Variants in FGF12 observed in about 807,000 individuals in gnomAD.
FGF12 encodes fibroblast growth factor 12B.
Under a neutral mutation model 23.6 loss-of-function variants are expected in FGF12, and 14 were observed. The observed-to-expected ratio is 0.59, with a 90% CI of 0.39 to 0.93. The LOEUF (loss-of-function observed/expected upper bound fraction) is 0.93, where lower values mean the gene tolerates loss of function less well. Among genes scored for constraint, FGF12 ranks in the 40% least tolerant of loss-of-function variants. The probability of loss-of-function intolerance (pLI) is 0.00; values close to 1 mark genes in which losing one functional copy is unlikely to be tolerated. For synonymous variants in FGF12, 62 were observed against 77.3 expected, an observed-to-expected ratio of 0.80 and a Z score of 1.04; for missense variants, 175 against 217.8, an observed-to-expected ratio of 0.80 and a Z score of 1.24.
chr3:192,519,274 C>T (rs1443920668), intron 2 of FGF12, among the ~76,000 whole-genome samples: 1 of 152,194 alleles, frequency 6.6e-6, no homozygotes, highest in African/African-American at 2.4e-5. Flanking sequence ...GATGGTCCCT[C>T]AGTCTCCCTG....
chr3:192,687,092 G>A (rs1346030094), intron 2 of FGF12, among the ~76,000 whole-genome samples: 1 of 150,444 alleles, frequency 6.6e-6, no homozygotes, highest in African/African-American at 2.5e-5. Context: ...GCCTCCCAAA[G>A]TGCTGGGATT....
chr3:192,582,618 G>C (rs991548312), intron 2 of FGF12, among the ~76,000 whole-genome samples: 2 of 151,822 alleles, frequency 1.3e-5, no homozygotes, highest in Non-Finnish European at 2.9e-5. Flanking sequence ...TTGAAACTAA[G>C]TAGAATTTCA....
intron 3 of FGF12, among the ~76,000 whole-genome samples, chr3:192,338,954 A>G (rs1370322775): frequency 6.6e-6 from 1 of 152,204 alleles, no homozygotes; most frequent in African/African-American, 2.4e-5. Context: ...ACACTGGTTT[A>G]TGTAGCTGAC....
chr3:192,459,608 T>G (rs1722792200), intron 2 of FGF12, among the ~76,000 whole-genome samples: 1 of 152,222 alleles, frequency 6.6e-6, no homozygotes, highest in Non-Finnish European at 1.5e-5. Flanking sequence ...TCATTCTGCA[T>G]GAGCCTTGTC....
At chr3:192,463,568 C>G (rs979110927) in intron 2 of FGF12, among the ~76,000 whole-genome samples, 2 of 152,176 alleles carry the variant, frequency 1.3e-5, no homozygotes, top group Non-Finnish European at 2.9e-5. Context: ...AAGTTAACAT[C>G]ACATATCCTA....
chr3:192,558,040 A>G (rs994013787), intron 2 of FGF12, among the ~76,000 whole-genome samples: 3 of 151,888 alleles, frequency 2.0e-5, no homozygotes, highest in Non-Finnish European at 4.4e-5. Context: ...CACCACTTCT[A>G]TTTAACTGAA....
At chr3:192,499,516 ATT>A (rs71177364) in intron 2 of FGF12, among the ~76,000 whole-genome samples, 7 of 38,842 alleles carry the variant, frequency 1.8e-4, no homozygotes, top group African/African-American at 5.4e-4. Flanking sequence ...ATATATATAT[ATT>A]TTTTTTTTTT....
intron 4 of FGF12, chr3:192,268,553 G>C (rs1042182137): frequency 3.7e-5 from 8 of 216,004 alleles, no homozygotes; most frequent in African/African-American, 1.9e-4. Context: ...TCCCCTTGAT[G>C]ATAAGTGAAC....
chr3:192,584,868 C>G (rs1474208623), intron 2 of FGF12, among the ~76,000 whole-genome samples: 1 of 152,024 alleles, frequency 6.6e-6, no homozygotes, highest in African/African-American at 2.4e-5. Flanking sequence ...AAGCTGCCAA[C>G]AAAACTCTGC....
In FGF12 at chr3:192,241,929, AAG is replaced by A. The variant is rs566835527; in HGVS notation, c.229-71275_229-71274del. ...TTCTTGAGTATATCTTCAATCAAAA[AAG>A]AGATCAAGACCAAAATTACAAGACT... is the stretch of plus-strand genomic sequence containing the variant. On this transcript the variant is annotated intron_variant, in intron 4 of 5. Transcript: ENST00000445105. Among the ~76,000 whole-genome samples, 6 of 152,316 alleles carry A rather than the reference AAG, an allele frequency of 3.9e-5. No homozygotes were observed. In the East Asian group the frequency reaches 1.2e-3, roughly 29 times the overall value.
intron 2 of FGF12, among the ~76,000 whole-genome samples, chr3:192,462,218 A>C (rs1722886326): frequency 6.6e-6 from 1 of 152,218 alleles, no homozygotes; most frequent in South Asian, 2.1e-4. Context: ...GACGGAGATT[A>C]TTATGGTTTG....
intron 2 of FGF12, among the ~76,000 whole-genome samples, chr3:192,613,152 G>C (rs1200351321): frequency 1.3e-5 from 2 of 151,528 alleles, no homozygotes; most frequent in Non-Finnish European, 2.9e-5. Flanking sequence ...GCTGACCAGT[G>C]GAAAGCTTGT....
intron 2 of FGF12, among the ~76,000 whole-genome samples, chr3:192,365,048 A>G (rs1718912035): frequency 1.3e-5 from 2 of 152,162 alleles, no homozygotes. Context: ...AAAATTAGAC[A>G]AATGCCCGTT....
intron 4 of FGF12, among the ~76,000 whole-genome samples, chr3:192,181,370 C>T (rs1380368072): frequency 7.0e-6 from 1 of 143,644 alleles, no homozygotes; most frequent in Admixed American, 6.8e-5. Flanking sequence ...CACAGACACA[C>T]ACACACAGAC....
intron 2 of FGF12, among the ~76,000 whole-genome samples, chr3:192,561,883 A>G (rs1246746214): frequency 6.6e-6 from 1 of 151,804 alleles, no homozygotes; most frequent in African/African-American, 2.4e-5. Flanking sequence ...AAGTTAAAAC[A>G]TGGCAAAATA....
intron 2 of FGF12, among the ~76,000 whole-genome samples, chr3:192,411,956 G>A (rs555628031): frequency 2.0e-5 from 3 of 148,246 alleles, no homozygotes; most frequent in African/African-American, 4.9e-5. Context: ...AAATATGGCC[G>A]GTTTTTTTTT....
chr3:192,204,054 T>G (rs1717516688), intron 4 of FGF12, among the ~76,000 whole-genome samples: 1 of 152,148 alleles, frequency 6.6e-6, no homozygotes, highest in African/African-American at 2.4e-5. Context: ...TTAATTATGA[T>G]TGTGTGATTT....
intron 4 of FGF12, chr3:192,282,694 T>C (rs1714217280): frequency 6.6e-6 from 1 of 151,944 alleles, no homozygotes; most frequent in Non-Finnish European, 1.5e-5. Flanking sequence ...TATATATGTA[T>C]ATATTAGAGA....
chr3:192,457,234 A>G (rs951626068), intron 2 of FGF12, among the ~76,000 whole-genome samples: 1 of 152,220 alleles, frequency 6.6e-6, no homozygotes, highest in Non-Finnish European at 1.5e-5. Context: ...GTGCTAATAC[A>G]GTAAATTGGT....
Sources: allele counts gnomAD v4.1 joint callset (sites outside exome capture counted in the v4.1 genomes callset), GRCh38; gene constraint gnomAD v4.1.1; transcripts MANE v1.5; gene names NCBI Gene and HGNC (gene_info 2026-07-23, HGNC 2026-07-21).